The following SPAG17 variants were observed in gnomAD, a reference collection of about 807,000 sequenced individuals.
SPAG17 encodes the protein sperm associated antigen 17, also known as sperm-associated antigen 17.
In SPAG17, 169 loss-of-function variants were observed where a neutral mutation model predicts 273.6. The observed-to-expected ratio is 0.62, with a 90% confidence interval of 0.55 to 0.70. The LOEUF is 0.70. Ranked by LOEUF, SPAG17 falls within the 30% of genes least tolerant of loss-of-function variation. The probability of loss-of-function intolerance (pLI) is 0.00; values close to 1 mark genes in which losing one functional copy is unlikely to be tolerated. For missense variants in SPAG17, 2,557 were observed against 2,627.8 expected (o/e 0.97, Z 0.59); for synonymous variants, 825 against 873.2 (o/e 0.94, Z 0.97).
intron 46 of SPAG17, 35 bp downstream of exon 46, chr1:117,970,021 G>T (rs373561700): frequency 1.1e-5 from 18 of 1,600,112 alleles, no homozygotes; most frequent in Non-Finnish European, 2.6e-6. Flanking sequence ...TTGCATGCAC[G>T]CAAGCACACA....
intron 6 of SPAG17, among the ~76,000 whole-genome samples, chr1:118,099,262 G>C (rs973918994): frequency 2.6e-5 from 4 of 152,168 alleles, no homozygotes; most frequent in Non-Finnish European, 5.9e-5. Context: ...TGCAAGAACA[G>C]ATTATTAACA....
intron 29 of SPAG17, among the ~76,000 whole-genome samples, chr1:118,014,029 AT>A (rs1659731766): frequency 6.6e-6 from 1 of 152,110 alleles, no homozygotes; most frequent in African/African-American, 2.4e-5. Flanking sequence ...ATTTCATGTC[AT>A]TTTCAATTTT....
intron 34 of SPAG17, 41 bp downstream of exon 34, chr1:117,996,329 C>T: frequency 6.4e-7 from 1 of 1,565,176 alleles, no homozygotes; most frequent in Non-Finnish European, 8.6e-7. Context: ...TGAGAATTGG[C>T]AAAGAGACAC....
chr1:118,135,183 C>T (rs554541724), intron 3 of SPAG17, among the ~76,000 whole-genome samples: 5 of 152,216 alleles, frequency 3.3e-5, no homozygotes, highest in Admixed American at 6.5e-5. Context: ...CAGGTGGTGG[C>T]GGACATCCAG....
At chr1:118,101,180 TGAG>T (rs1656041330) in intron 5 of SPAG17, among the ~76,000 whole-genome samples, 1 of 152,066 alleles carries the variant, frequency 6.6e-6, no homozygotes, top group South Asian at 2.1e-4. Context: ...TGTGGGAGGC[TGAG>T]GAGGGAGAGT....
At chr1:118,051,505 A>G (rs1331772415) in intron 20 of SPAG17, among the ~76,000 whole-genome samples, 3 of 150,134 alleles carry the variant, frequency 2.0e-5, no homozygotes, top group Non-Finnish European at 3.0e-5. Flanking sequence ...TAGGACGCTT[A>G]CATCCATCAA....
intron 19 of SPAG17, 110 bp from the exon 20 acceptor site, chr1:118,054,203 A>G: frequency 1.5e-6 from 1 of 654,472 alleles, no homozygotes; most frequent in Admixed American, 2.9e-5. Flanking sequence ...TCAACTTCTC[A>G]TTTATTTATC....
At chr1:118,025,539 G>A (rs530206916) in intron 26 of SPAG17, 123 bp from the exon 27 acceptor site, 11 of 805,348 alleles carry the variant, frequency 1.4e-5, no homozygotes, top group African/African-American at 3.6e-5. Flanking sequence ...ACAAAGTCTC[G>A]CTTTGTCATC....
chr1:118,015,727 G>A (rs1381193273), intron 29 of SPAG17, among the ~76,000 whole-genome samples: 1 of 152,146 alleles, frequency 6.6e-6, no homozygotes, highest in African/African-American at 2.4e-5. Flanking sequence ...TTCTGACGTG[G>A]TTGTGCCCAC....
At chr1:117,954,458 A>G (rs1450766365) in intron 48 of SPAG17, 18 of 902,094 alleles carry the variant, frequency 2.0e-5, no homozygotes, top group Non-Finnish European at 3.0e-5. Flanking sequence ...ACACTCTGTC[A>G]GTTTTTTAGG....
chr1:118,008,389 A>G (rs1486027759), intron 30 of SPAG17, among the ~76,000 whole-genome samples, 191 bp from the exon 31 acceptor site: 1 of 152,106 alleles, frequency 6.6e-6, no homozygotes, highest in Admixed American at 6.5e-5. Flanking sequence ...GTCAATTCAT[A>G]ATAATTCTTC....
chr1:118,161,016 A>G (rs903984417), intron 1 of SPAG17, among the ~76,000 whole-genome samples: 1 of 152,232 alleles, frequency 6.6e-6, no homozygotes, highest in Non-Finnish European at 1.5e-5. Flanking sequence ...CCCTACCTCA[A>G]TTCAACAAAA....
intron 43 of SPAG17, among the ~76,000 whole-genome samples, chr1:117,974,737 C>T (rs1016877409): frequency 4.6e-5 from 7 of 152,074 alleles, no homozygotes; most frequent in African/African-American, 1.7e-4. Flanking sequence ...TTCCACAGAT[C>T]CAGGAGGTGG....
chr1:118,031,855 G>T lies in SPAG17; in HGVS notation c.3446C>A (p.Pro1149His). The T allele has an allele frequency of 6.3e-7, 1 of 1,597,512 alleles. No homozygotes were observed. Among genetic ancestry groups the T allele is most frequent in the Middle Eastern group, 1.7e-4 (1 of 5,996 alleles). Residue 1149 changes from proline (P) to histidine (H), a missense_variant, in exon 25 of 49, where the codon CCT becomes CAT. Pro to His is a moderately conservative substitution (Grantham distance 77). Transcript: ENST00000336338. ...GATATTCAATATTGTTTCTAAATCA[G>T]GATCCTTATCTTCTATAAGCAGAAA... is the stretch of plus-strand genomic sequence containing the variant. ...SNGMAPEDKD[P>H]DLETILNIPS...
intron 1 of SPAG17, among the ~76,000 whole-genome samples, chr1:118,167,944 A>G (rs1361387244): frequency 6.6e-6 from 1 of 151,730 alleles, no homozygotes; most frequent in Non-Finnish European, 1.5e-5. Context: ...CTCTCCGCTC[A>G]CTCTCTTGTC....
At chr1:118,080,229 T>C (rs1436652865) in intron 15 of SPAG17, among the ~76,000 whole-genome samples, 3 of 152,156 alleles carry the variant, frequency 2.0e-5, no homozygotes, top group African/African-American at 7.2e-5. Context: ...ATTATGACCC[T>C]GGAATGCTAA....
At chr1:118,123,795 G>A (rs760051985) in intron 3 of SPAG17, among the ~76,000 whole-genome samples, 39 of 152,136 alleles carry the variant, frequency 2.6e-4, no homozygotes, top group Non-Finnish European at 5.0e-4. Flanking sequence ...ATAAAAGTTG[G>A]TAACATAATA....
chr1:118,141,515 A>G (rs1658678398), intron 3 of SPAG17, among the ~76,000 whole-genome samples: 1 of 152,236 alleles, frequency 6.6e-6, no homozygotes, highest in African/African-American at 2.4e-5. Context: ...TATCCATTAT[A>G]TACAATTTTC....
intron 3 of SPAG17, among the ~76,000 whole-genome samples, chr1:118,131,959 C>T (rs1412326602): frequency 6.6e-6 from 1 of 152,158 alleles, no homozygotes; most frequent in African/African-American, 2.4e-5. Context: ...TACAGAGCAC[C>T]CATTATATTC....
Sources: gnomAD v4.1 joint callset for allele counts (sites outside exome capture counted in the v4.1 genomes callset) on GRCh38, gnomAD v4.1.1 for gene constraint, MANE v1.5 for transcripts, NCBI Gene and HGNC (gene_info 2026-07-23, HGNC 2026-07-21) for gene names.